RBFOX1: variants seen among roughly 807,000 people sequenced by gnomAD.
RBFOX1 encodes the protein RNA binding protein fox-1 homolog 1.
Under a neutral mutation model 57.7 loss-of-function variants are expected in RBFOX1, and 8 were observed. The ratio of observed to expected loss-of-function variants is 0.14; its 90% CI spans 0.08 to 0.25. The LOEUF (loss-of-function observed/expected upper bound fraction) is 0.25. Among genes scored for constraint, RBFOX1 ranks in the 10% least tolerant of loss-of-function variants. RBFOX1 has a pLI of 1.00. For missense variants in RBFOX1, 611 were observed against 548.5 expected (o/e 1.11, Z -1.14); for synonymous variants, 326 against 222.4 (o/e 1.47, Z -4.15).
At chr16:5,955,978 T>C (rs1207489784) in intron 4 of RBFOX1, among the ~76,000 whole-genome samples, 2 of 152,138 alleles carry the variant, frequency 1.3e-5, no homozygotes, top group African/African-American at 4.8e-5. Flanking sequence ...TAAAAATACA[T>C]TGGCCATGCA....
intron 4 of RBFOX1, among the ~76,000 whole-genome samples, chr16:7,063,798 T>C (rs1326051729): frequency 6.6e-6 from 1 of 152,206 alleles, no homozygotes; most frequent in Admixed American, 6.5e-5. Flanking sequence ...ACTGCTTACA[T>C]AGCATTCGCA....
intron 1 of RBFOX1, among the ~76,000 whole-genome samples, chr16:5,300,945 G>A (rs1177092569): frequency 6.6e-6 from 1 of 151,940 alleles, no homozygotes; most frequent in African/African-American, 2.4e-5. Context: ...TCTCTCTCTC[G>A]CTCTTGTCCT....
chr16:7,161,617 A>T (rs2078342760), intron 4 of RBFOX1, among the ~76,000 whole-genome samples: 1 of 152,184 alleles, frequency 6.6e-6, no homozygotes, highest in Non-Finnish European at 1.5e-5. Context: ...ATCTCGGCTA[A>T]GTAATCCCAG....
chr16:7,090,749 C>T (rs1027614128), intron 4 of RBFOX1, among the ~76,000 whole-genome samples: 15 of 152,202 alleles, frequency 9.9e-5, no homozygotes, highest in African/African-American at 3.4e-4. Flanking sequence ...CAAACTTGGC[C>T]ACGGTAGGAG....
chr16:6,987,412 C>T lies in RBFOX1; in HGVS notation c.-15-64645C>T, dbSNP rs191689580. ...CTGATTCCAGGCCCAGGTTATCTCC[C>T]GAGCCACTAGGCTTATCTCAGGACA... On this transcript the variant is annotated intron_variant, in intron 3 of 15. Coordinates refer to ENST00000550418, the MANE Select transcript of RBFOX1 (RefSeq NM_018723.4). Among the ~76,000 whole-genome samples the T allele has an allele frequency of 7.3e-5, 11 of 150,314 alleles. No homozygotes were observed. In the East Asian group the frequency reaches 1.8e-3, roughly 24 times the overall value.
intron 1 of RBFOX1, among the ~76,000 whole-genome samples, chr16:5,357,356 A>G (rs1036210761): frequency 2.6e-5 from 4 of 152,218 alleles, no homozygotes; most frequent in Non-Finnish European, 1.5e-5. Flanking sequence ...TGAGAAAAAG[A>G]ACCACCTCTT....
intron 1 of RBFOX1, among the ~76,000 whole-genome samples, chr16:6,106,500 C>A (rs939205320): frequency 1.4e-5 from 2 of 147,544 alleles, no homozygotes; most frequent in African/African-American, 5.0e-5. Flanking sequence ...GTTCCATGCT[C>A]TTATAAATAA....
intron 4 of RBFOX1, among the ~76,000 whole-genome samples, chr16:7,445,909 T>C (rs1167382021): frequency 1.3e-5 from 2 of 152,222 alleles, no homozygotes; most frequent in Admixed American, 6.5e-5. Context: ...TTTTCCATTT[T>C]AGTTTAGCTG....
intron 3 of RBFOX1, among the ~76,000 whole-genome samples, chr16:5,652,535 G>A (rs1319862372): frequency 6.6e-6 from 1 of 152,066 alleles, no homozygotes; most frequent in Admixed American, 6.6e-5. Flanking sequence ...ATTATACTAG[G>A]GTCACCTTTT....
rs1262894388 is a variant in RBFOX1 at position 6,670,561 on chromosome 16, C to G, written c.-16+15911C>G. 3.3e-5 allele frequency among the ~76,000 whole-genome samples: 5 copies of G among 152,144 alleles called. No individual in the cohort carries two copies. The East Asian group carries it at 9.6e-4, about 29-fold the overall frequency. On this transcript the variant is annotated intron_variant, in intron 3 of 15. Transcript: ENST00000550418. ...AAGAAAGCATAAGTAGACTTAAACA[C>G]CCGGTAATACCTTTCCTTGATAGTG...
chr16:7,103,768 A>T (rs1441354850), intron 4 of RBFOX1, among the ~76,000 whole-genome samples: 1 of 151,930 alleles, frequency 6.6e-6, no homozygotes, highest in Non-Finnish European at 1.5e-5. Flanking sequence ...GTACAGAAAA[A>T]CCTCTAAGGT....
chr16:5,248,630 C>G (rs944588343), intron 1 of RBFOX1, among the ~76,000 whole-genome samples: 1 of 152,062 alleles, frequency 6.6e-6, no homozygotes, highest in Non-Finnish European at 1.5e-5. Context: ...GAGTGCAGCT[C>G]TGAAAGGGGG....
At chr16:5,423,658 A>G (rs2067424306) in intron 1 of RBFOX1, among the ~76,000 whole-genome samples, 3 of 152,102 alleles carry the variant, frequency 2.0e-5, no homozygotes, top group South Asian at 2.1e-4. Flanking sequence ...TTATTGATAT[A>G]ATATCTTCTT....
intron 4 of RBFOX1, among the ~76,000 whole-genome samples, chr16:5,905,292 A>G (rs945390607): frequency 4.0e-5 from 6 of 151,728 alleles, no homozygotes; most frequent in African/African-American, 1.5e-4. Flanking sequence ...ACCTCAGGTA[A>G]TCCACCCGCC....
At chr16:7,661,943 T>A (rs1268619262) in intron 12 of RBFOX1, among the ~76,000 whole-genome samples, 1 of 152,202 alleles carries the variant, frequency 6.6e-6, no homozygotes, top group Non-Finnish European at 1.5e-5. Context: ...CGGCATGTTC[T>A]TTCCTCACCT....
chr16:6,364,141 C>T (rs904244846), intron 2 of RBFOX1, among the ~76,000 whole-genome samples: 3 of 152,198 alleles, frequency 2.0e-5, no homozygotes, highest in African/African-American at 4.8e-5. Flanking sequence ...CCCTGCTGTA[C>T]TGAGAAGTCC....
chr16:7,007,647 C>T (rs1021365951), intron 3 of RBFOX1, among the ~76,000 whole-genome samples: 3 of 152,158 alleles, frequency 2.0e-5, no homozygotes, highest in Non-Finnish European at 2.9e-5. Flanking sequence ...CGTTTCTACT[C>T]TTTCTTGTTT....
intron 2 of RBFOX1, among the ~76,000 whole-genome samples, chr16:6,534,093 A>G (rs553391987): frequency 6.6e-6 from 1 of 152,330 alleles, no homozygotes; most frequent in African/African-American, 2.4e-5. Context: ...AGGCTTCTTC[A>G]GAGATGCTCA....
intron 2 of RBFOX1, among the ~76,000 whole-genome samples, chr16:6,438,402 A>C (rs998383604): frequency 6.6e-6 from 1 of 152,174 alleles, no homozygotes; most frequent in Non-Finnish European, 1.5e-5. Flanking sequence ...CTCACACCCA[A>C]ATAGTCTGAT....
Sources: gnomAD v4.1 joint callset for allele counts (sites outside exome capture counted in the v4.1 genomes callset) on GRCh38, gnomAD v4.1.1 for gene constraint, MANE v1.5 for transcripts, NCBI Gene and HGNC (gene_info 2026-07-23, HGNC 2026-07-21) for gene names.